HEPACAM2: variants seen among roughly 807,000 people sequenced by gnomAD.
HEPACAM2 encodes the protein mitotic kinetics regulator.
HEPACAM2 carries 49 observed loss-of-function variants against 49.6 expected under a neutral mutation model. The ratio of observed to expected loss-of-function variants is 0.99; its 90% CI spans 0.78 to 1.25. HEPACAM2 has a LOEUF of 1.25. Among genes scored for constraint, HEPACAM2 ranks in the 50% most tolerant of loss-of-function variants. The pLI, the probability that HEPACAM2 is intolerant of heterozygous loss-of-function variation, is 0.00. For missense variants in HEPACAM2, 525 were observed against 557.2 expected, an observed-to-expected ratio of 0.94 and a Z score of 0.58; for synonymous variants, 197 against 202.9, an observed-to-expected ratio of 0.97 and a Z score of 0.25.
chr7:93,215,561 A>AT lies in HEPACAM2; in HGVS notation c.554dup (p.Asn185LysfsTer43), dbSNP rs1794284723. 1 of 1,613,590 alleles carries AT rather than the reference A, an allele frequency of 6.2e-7. No homozygotes were observed. Among genetic ancestry groups the AT allele is most frequent in the South Asian group, 1.1e-5 (1 of 91,088 alleles). On this transcript the variant is annotated frameshift_variant, in exon 3 of 10. Coordinates refer to ENST00000394468, the MANE Select transcript of HEPACAM2 (RefSeq NM_001039372.4). LOFTEE classifies it high-confidence loss of function. Reference sequence around the variant, plus strand: ...TGGAGCTGGTGTGGACAGGTCTCCCATTTTTTAGCCATTGGTAAGCTAGCC... The same window carrying AT: ...TGGAGCTGGTGTGGACAGGTCTCCCATTTTTTTAGCCATTGGTAAGCTAGCC...
Position 93,192,370 on chromosome 7 carries a change from AATGTGATACATTAAAAATAAATT to A in HEPACAM2, c.1276-30_1276-8del. On this transcript the variant is annotated splice_region_variant and splice_polypyrimidine_tract_variant and intron_variant, in intron 8 of 9. Coordinates refer to ENST00000394468, the MANE Select transcript of HEPACAM2 (RefSeq NM_001039372.4). ...GAACAGACCTGCTTGGGATCTAGAA[AATGTGATACATTAAAAATAAATT>A]ATCTCAAGACTAGTAAATAGTTTTT... 3 of 1,594,666 alleles carry A rather than the reference AATGTGATACATTAAAAATAAATT, an allele frequency of 1.9e-6. No individual in the cohort carries two copies. The highest frequency in any genetic ancestry group is 2.6e-6 in the Non-Finnish European group (3 of 1,164,510).
upstream of HEPACAM2, among the ~76,000 whole-genome samples, chr7:93,228,448 T>A (rs769230847): frequency 6.9e-6 from 1 of 145,478 alleles, no homozygotes; most frequent in South Asian, 2.1e-4. Context: ...ACTGTAGATA[T>A]AAACTCTTAC....
chr7:93,217,193 A>T (rs1794325833), intron 2 of HEPACAM2, among the ~76,000 whole-genome samples: 1 of 152,214 alleles, frequency 6.6e-6, no homozygotes, highest in Non-Finnish European at 1.5e-5. Context: ...GAAAAAGCTT[A>T]TATTTCAAAT....
At chr7:93,230,659 T>C (rs1400095183), upstream of HEPACAM2, among the ~76,000 whole-genome samples, 1 of 152,240 alleles carries the variant, frequency 6.6e-6, no homozygotes, top group Non-Finnish European at 1.5e-5. Context: ...TTTGTTTCTT[T>C]TGATGCTTTC....
chr7:93,194,921 C>CTTTTTTTATTTTT (rs1793649259), intron 8 of HEPACAM2, among the ~76,000 whole-genome samples: 1 of 118,176 alleles, frequency 8.5e-6, no homozygotes, highest in African/African-American at 3.4e-5. Context: ...TTTAAAAGAT[C>CTTTTTTTATTTTT]TTTTTTTTTT....
intron 4 of HEPACAM2, among the ~76,000 whole-genome samples, chr7:93,205,985 A>G (rs1417600752): frequency 1.3e-5 from 2 of 152,118 alleles, no homozygotes; most frequent in African/African-American, 4.8e-5. Flanking sequence ...GCAAAAGGCA[A>G]TTATCTGACG....
chr7:93,190,282 C>T (rs992846382), intron 9 of HEPACAM2, among the ~76,000 whole-genome samples: 7 of 151,808 alleles, frequency 4.6e-5, no homozygotes, highest in African/African-American at 7.3e-5. Flanking sequence ...ATTGGCTCCC[C>T]GTTTAGATAA....
At chr7:93,225,427 T>C (rs888526143) in intron 1 of HEPACAM2, among the ~76,000 whole-genome samples, 1 of 152,120 alleles carries the variant, frequency 6.6e-6, no homozygotes, top group Non-Finnish European at 1.5e-5. Context: ...ACAGTAGGTA[T>C]GAATTTGAAT....
upstream of HEPACAM2, among the ~76,000 whole-genome samples, chr7:93,227,126 G>A (rs1320142433): frequency 1.3e-5 from 2 of 152,160 alleles, no homozygotes; most frequent in African/African-American, 4.8e-5. Flanking sequence ...AAAAGTGCAT[G>A]CCAGGAGATA....
At chr7:93,202,190 G>A (rs536931028) in intron 4 of HEPACAM2, among the ~76,000 whole-genome samples, 7 of 150,416 alleles carry the variant, frequency 4.7e-5, no homozygotes, top group East Asian at 1.9e-4. Flanking sequence ...TCTCTATTTC[G>A]TCATTTTAGA....
At chr7:93,229,077 A>C (rs6967654), upstream of HEPACAM2, among the ~76,000 whole-genome samples, 6 of 152,340 alleles carry the variant, frequency 3.9e-5, no homozygotes, top group East Asian at 1.2e-3. Context: ...GCAGTGGCAG[A>C]AACAATTAAG....
chr7:93,221,141 T>C (rs1190704560), intron 1 of HEPACAM2, among the ~76,000 whole-genome samples: 1 of 152,044 alleles, frequency 6.6e-6, no homozygotes, highest in Non-Finnish European at 1.5e-5. Flanking sequence ...TTTTTTGCTA[T>C]TGGGAATGTT....
rs965400874 is a variant in HEPACAM2 at position 93,199,619 on chromosome 7, G to C, written c.1013-2009C>G. On this transcript the variant is annotated intron_variant, in intron 4 of 9. Coordinates refer to ENST00000394468, the MANE Select transcript of HEPACAM2 (RefSeq NM_001039372.4). Reference sequence around the variant, plus strand: ...GGCATTTAAGTTCTCTTCTTGCTCTGATACTCTATGACTTGGGGGAGCCAG... The same window carrying C: ...GGCATTTAAGTTCTCTTCTTGCTCTCATACTCTATGACTTGGGGGAGCCAG... Among the ~76,000 whole-genome samples the C allele has an allele frequency of 2.0e-4, 31 of 152,012 alleles. 1 individual carries two copies. The highest frequency in any genetic ancestry group is 6.6e-4 in the Admixed American group (10 of 15,236).
chr7:93,220,018 C>T (rs1194720464), intron 1 of HEPACAM2, among the ~76,000 whole-genome samples: 1 of 152,050 alleles, frequency 6.6e-6, no homozygotes, highest in African/African-American at 2.4e-5. Flanking sequence ...CCAGAACAGG[C>T]ATCTGGTTGG....
intron 4 of HEPACAM2, 98 bp downstream of exon 4, chr7:93,208,482 A>G (rs1388017988): frequency 5.9e-6 from 6 of 1,021,000 alleles, no homozygotes; most frequent in Non-Finnish European, 8.6e-6. Context: ...ATAATCCCAC[A>G]ATGATTTTCT....
chr7:93,208,512 T>C, intron 4 of HEPACAM2, 68 bp downstream of exon 4: 2 of 1,314,748 alleles, frequency 1.5e-6, no homozygotes, highest in East Asian at 2.3e-5. Flanking sequence ...AGGTATAAGA[T>C]AGGGGAAGTG....
At chr7:93,204,862 G>A (rs1019434677) in intron 4 of HEPACAM2, among the ~76,000 whole-genome samples, 2 of 152,130 alleles carry the variant, frequency 1.3e-5, no homozygotes, top group Admixed American at 1.3e-4. Context: ...CACTTTGGGA[G>A]GCCGAGGTGG....
chr7:93,191,021 T>A (rs1438391433), intron 9 of HEPACAM2, among the ~76,000 whole-genome samples: 1 of 152,066 alleles, frequency 6.6e-6, no homozygotes, highest in Non-Finnish European at 1.5e-5. Flanking sequence ...TTAGATTAAA[T>A]CTTAGAAAGG....
intron 1 of HEPACAM2, among the ~76,000 whole-genome samples, chr7:93,224,692 T>C (rs1794508738): frequency 6.6e-6 from 1 of 152,172 alleles, no homozygotes; most frequent in African/African-American, 2.4e-5. Flanking sequence ...AATATAAACA[T>C]CAGATTTCAC....
Sources: gnomAD v4.1 joint callset for allele counts (sites outside exome capture counted in the v4.1 genomes callset) on GRCh38, gnomAD v4.1.1 for gene constraint, MANE v1.5 for transcripts, NCBI Gene and HGNC (gene_info 2026-07-23, HGNC 2026-07-21) for gene names.